The following GRIN1 variants were observed in gnomAD, a reference collection of about 807,000 sequenced individuals.
The protein encoded by GRIN1 is glutamate receptor ionotropic, NMDA 1.
A neutral mutation model predicts 103.0 loss-of-function variants in GRIN1; 38 were observed. The ratio of observed to expected loss-of-function variants is 0.37; its 90% CI spans 0.28 to 0.48. The LOEUF is 0.48. Ranked by LOEUF, GRIN1 falls within the 20% of genes least tolerant of loss-of-function variation. The pLI, the probability that GRIN1 is intolerant of heterozygous loss-of-function variation, is 0.98. For missense variants in GRIN1, 577 were observed against 1,288.9 expected (o/e 0.45, Z 8.46); for synonymous variants, 544 against 532.7 (o/e 1.02, Z -0.29).
At chr9:137,153,942 G>A (rs1252279139) in intron 4 of GRIN1, among the ~76,000 whole-genome samples, 2 of 152,026 alleles carry the variant, frequency 1.3e-5, no homozygotes, top group African/African-American at 4.8e-5. Context: ...CTCCTGAGTA[G>A]CAGGAATTAC....
At chr9:137,144,633 C>T (rs1385432495) in intron 2 of GRIN1, among the ~76,000 whole-genome samples, 4 of 134,730 alleles carry the variant, frequency 3.0e-5, no homozygotes, top group Admixed American at 2.4e-4. Context: ...GGTAACAGTG[C>T]GAGACTGTTT....
intron 17 of GRIN1, 45 bp from the exon 18 acceptor site, chr9:137,163,714 C>T: frequency 1.2e-6 from 2 of 1,613,058 alleles, no homozygotes; most frequent in Non-Finnish European, 1.7e-6. Flanking sequence ...CCGTGGGCTG[C>T]GGCCTCCCTG....
intron 4 of GRIN1, among the ~76,000 whole-genome samples, chr9:137,152,842 C>T (rs888363832): frequency 1.3e-5 from 2 of 152,100 alleles, no homozygotes; most frequent in Non-Finnish European, 2.9e-5. Flanking sequence ...ACACTATAGT[C>T]ACACCATGCA....
intron 10 of GRIN1, 127 bp downstream of exon 10, chr9:137,161,543 T>A: frequency 1.5e-6 from 1 of 649,006 alleles, no homozygotes; most frequent in South Asian, 1.8e-5. Flanking sequence ...GGGCATGGAG[T>A]GAGCGGAGCC....
At chr9:137,150,466 C>A (rs1832781571) in intron 4 of GRIN1, among the ~76,000 whole-genome samples, 1 of 148,052 alleles carries the variant, frequency 6.8e-6, no homozygotes, top group Non-Finnish European at 1.5e-5. Flanking sequence ...CAGGGAAAGC[C>A]CCGCCCAGAA....
rs372509162 is a variant in GRIN1, at chr9:137,148,544, C to G, written c.571-465C>G. 6.2e-4 allele frequency among the ~76,000 whole-genome samples: 95 copies of G among 152,378 alleles called. 1 individual carries two copies. In the East Asian group the frequency reaches 0.016, roughly 26 times the overall value. ...GGGAGCCCGCCCGCCTGGCCACCCA[C>G]TCGCCGGGGCCGGGCTGCTCCTCAG... On this transcript the variant is annotated intron_variant, in intron 3 of 19. Coordinates refer to ENST00000371561, the MANE Select transcript of GRIN1 (RefSeq NM_007327.4).
At position 137,167,469 on chromosome 9, in the gene GRIN1, G is replaced by A; in HGVS notation, c.2759G>A (p.Arg920His). Residue 920 changes from arginine to histidine, a missense_variant, in exon 20 of 20, where the codon CGC (arginine) becomes CAC (histidine). By Grantham distance (29) the Arg-to-His change is conservative (BLOSUM62 0). This residue lies in a region of GRIN1 where 68 missense variants were observed against 113.0 expected (regional missense o/e 0.60). Coordinates refer to ENST00000371561, the MANE Select transcript of GRIN1 (RefSeq NM_007327.4). ...QNQKDTVLPR[R>H]AIEREEGQLQ... ...CAAAAAGACACAGTGCTGCCGCGACGCGCTATTGAGAGGGAGGAGGGCCAG... is the reference window on the plus strand; with the variant it reads ...CAAAAAGACACAGTGCTGCCGCGACACGCTATTGAGAGGGAGGAGGGCCAG... 1.9e-6 allele frequency: 3 copies of A among 1,560,132 alleles called. No homozygotes were observed. The highest frequency in any genetic ancestry group is 2.6e-6 in the Non-Finnish European group (3 of 1,152,114).
rs1439607645 is a variant in GRIN1 at position 137,139,748 on chromosome 9, C to A, written c.258+4C>A. On this transcript the variant is annotated splice_donor_region_variant and intron_variant, in intron 1 of 19. Coordinates refer to ENST00000371561, the MANE Select transcript of GRIN1 (RefSeq NM_007327.4). The surrounding 1 kb of genome is among the most constrained non-coding windows in gnomAD (Gnocchi z 7.7). ...CGAGGACCTCATCTCCAGCCAGGTG[C>A]CCTCCCCCACCTCCGCCACCCACCT... The A allele has an allele frequency of 1.2e-6, 2 of 1,610,624 alleles. No homozygotes were observed. The highest frequency in any genetic ancestry group is 1.3e-5 in the African/African-American group (1 of 74,828).
intron 19 of GRIN1, among the ~76,000 whole-genome samples, chr9:137,166,775 G>A (rs574957738): frequency 1.3e-5 from 2 of 152,382 alleles, no homozygotes; most frequent in African/African-American, 4.8e-5. Context: ...AGCGGGCAGA[G>A]CTGATGCTGC....
rs200669368 is a variant in GRIN1 at position 137,163,328 on chromosome 9, C to T, written c.2331C>T (p.Leu777=). Residue 777 remains leucine (L), a splice_region_variant and synonymous_variant, in exon 16 of 20, where the codon CTC becomes CTT. Coordinates refer to ENST00000371561, the MANE Select transcript of GRIN1 (RefSeq NM_007327.4). The part of the protein sequence containing the change: ...PWKQNVSLSI[L]KSHENGFMED... Reference sequence around the variant, plus strand: ...AGCAGAACGTCTCCCTGTCCATCCTCAAGTGAGTGTCCGTGCGCCCGCGTC... The same window carrying T: ...AGCAGAACGTCTCCCTGTCCATCCTTAAGTGAGTGTCCGTGCGCCCGCGTC... The T allele has an allele frequency of 1.9e-6, 3 of 1,613,506 alleles. No individual in the cohort carries two copies. Among genetic ancestry groups the T allele is most frequent in the Non-Finnish European group, 2.5e-6 (3 of 1,179,900 alleles).
intron 2 of GRIN1, among the ~76,000 whole-genome samples, chr9:137,143,896 G>A (rs1431007235): frequency 2.6e-5 from 4 of 152,216 alleles, no homozygotes; most frequent in Non-Finnish European, 5.9e-5. Flanking sequence ...GCAGAGGGGG[G>A]CAGAGCCTGC....
Position 137,162,578 on chromosome 9 carries a change from C to G in GRIN1, c.1865-13C>G. 1.2e-6 allele frequency: 2 copies of G among 1,611,404 alleles called. No individual in the cohort carries two copies. Among genetic ancestry groups the G allele is most frequent in the Non-Finnish European group, 1.7e-6 (2 of 1,179,328 alleles). On this transcript the variant is annotated splice_polypyrimidine_tract_variant and intron_variant, in intron 13 of 19. Transcript: ENST00000371561. ...CCCTCTAGGGTCTGACAGAGCCCCCCGCCCGCCCACAGGCGCCCCCAGAAG... is the reference window on the plus strand; with the variant it reads ...CCCTCTAGGGTCTGACAGAGCCCCCGGCCCGCCCACAGGCGCCCCCAGAAG...
chr9:137,165,441 C>T, intron 19 of GRIN1, 145 bp downstream of exon 19: 1 of 693,700 alleles, frequency 1.4e-6, no homozygotes, highest in Non-Finnish European at 2.6e-6. Flanking sequence ...TCTGCCCAGC[C>T]CGCCCATGCT....
chr9:137,146,049 G>A lies in GRIN1; in HGVS notation c.570+147G>A. 1 of 638,422 alleles carries A rather than the reference G, an allele frequency of 1.6e-6. No homozygotes were observed. Among genetic ancestry groups the A allele is most frequent in the East Asian group, 2.7e-5 (1 of 36,430 alleles). 39.5% of individuals were successfully genotyped at this position (638,422 alleles called of 1,614,324 possible). A position where few individuals can be genotyped will look rare whatever the true frequency, so the allele number is the denominator to read the frequency against. On this transcript the variant is annotated intron_variant, in intron 3 of 19. Coordinates refer to ENST00000371561, the MANE Select transcript of GRIN1 (RefSeq NM_007327.4). This position sits in a 1 kb window ranked among gnomAD's most constrained non-coding sequence, Gnocchi z 6.7. ...GTCTGGCGAGCGCCCGCCCCAGCCT[G>A]TCCTCGGCTCATTTCACTCGCTTTT...
intron 14 of GRIN1, 27 bp from the exon 15 acceptor site, chr9:137,162,819 C>G: frequency 3.7e-6 from 6 of 1,610,438 alleles, no homozygotes; most frequent in Non-Finnish European, 5.1e-6. Context: ...GAGCCGCCGC[C>G]GCGATCCCTG....
At chr9:137,164,106 C>A in intron 18 of GRIN1, 1 of 672,940 alleles carries the variant, frequency 1.5e-6, no homozygotes, top group East Asian at 2.8e-5. Flanking sequence ...CTGCCCACTG[C>A]AAAGCCGGGG....
chr9:137,140,595 G>A (rs1197052099), intron 1 of GRIN1, among the ~76,000 whole-genome samples: 2 of 152,202 alleles, frequency 1.3e-5, no homozygotes, highest in Non-Finnish European at 2.9e-5. Context: ...CAGATCCATT[G>A]ACACCTGCTC....
At position 137,162,835 on chromosome 9, in the gene GRIN1, C is replaced by T. The variant is rs373949126; in HGVS notation, c.2014-11C>T. On this transcript the variant is annotated splice_polypyrimidine_tract_variant and intron_variant, in intron 14 of 19. Transcript: ENST00000371561. The stretch of plus-strand genomic sequence containing the variant: ...AGCCGCCGCCGCGATCCCTGCCCTC[C>T]GACCCTGCAGCTGAGGAACCCCTCG... 51 of 1,611,538 alleles carry T rather than the reference C, an allele frequency of 3.2e-5. No homozygotes were observed. Among genetic ancestry groups the T allele is most frequent in the Non-Finnish European group, 4.1e-5 (48 of 1,179,496 alleles).
At position 137,161,907 on chromosome 9, in the gene GRIN1, G is replaced by C. The variant is rs750423610; in HGVS notation, c.1468-17G>C. 6.4e-7 allele frequency: 1 copy of C among 1,551,526 alleles called. No individual in the cohort carries two copies. The highest frequency in any genetic ancestry group is 1.2e-5 in the South Asian group (1 of 84,312). On this transcript the variant is annotated splice_polypyrimidine_tract_variant and intron_variant, in intron 10 of 19. Coordinates refer to ENST00000371561, the MANE Select transcript of GRIN1 (RefSeq NM_007327.4). ...GAGGACGCTGCCTGCATGCCCGCCG[G>C]CTCTGTCGCCTCGCAGGTGAACAAC...
Sources: allele counts gnomAD v4.1 joint callset (sites outside exome capture counted in the v4.1 genomes callset), GRCh38; gene constraint gnomAD v4.1.1; regional missense constraint gnomAD v4.1.1; non-coding constraint Gnocchi (gnomAD v3.1); transcripts MANE v1.5; gene names NCBI Gene and HGNC (gene_info 2026-07-23, HGNC 2026-07-21).